Variants in ADD2 observed in about 807,000 individuals in gnomAD.
ADD2 encodes the protein adducin 2, also known as beta-adducin.
Under a neutral mutation model 83.0 loss-of-function variants are expected in ADD2, and 23 were observed. The ratio of observed to expected loss-of-function variants is 0.28; its 90% CI spans 0.20 to 0.39. The LOEUF (loss-of-function observed/expected upper bound fraction) is 0.39, where lower values mean the gene tolerates loss of function less well. ADD2 is among the 10% of genes least tolerant of loss of function. The pLI, the probability that ADD2 is intolerant of heterozygous loss-of-function variation, is 1.00. For missense variants in ADD2, 758 were observed against 944.9 expected, an observed-to-expected ratio of 0.80 and a Z score of 2.59; for synonymous variants, 375 against 375.4, an observed-to-expected ratio of 1.00 and a Z score of 0.01.
chr2:70,704,287 C>CCCA, intron 4 of ADD2, 34 bp downstream of exon 4: 1 of 1,588,506 alleles, frequency 6.3e-7, no homozygotes, highest in Non-Finnish European at 8.6e-7. Context: ...TCCCCTCCAC[C>CCCA]TCTGCTCCTG....
intron 3 of ADD2, among the ~76,000 whole-genome samples, chr2:70,705,784 T>C (rs1409126063): frequency 6.6e-6 from 1 of 152,148 alleles, no homozygotes; most frequent in Admixed American, 6.5e-5. Context: ...CCCCATCCCA[T>C]TCATGTCAAA....
chr2:70,702,476 T>C (rs1488744687), intron 4 of ADD2, among the ~76,000 whole-genome samples: 1 of 152,220 alleles, frequency 6.6e-6, no homozygotes, highest in Non-Finnish European at 1.5e-5. Context: ...CTAAAGTTAT[T>C]GTAAAGAATA....
intron 4 of ADD2, among the ~76,000 whole-genome samples, chr2:70,703,073 T>A (rs1671684268): frequency 6.6e-6 from 1 of 150,936 alleles, no homozygotes; most frequent in African/African-American, 2.4e-5. Context: ...TGGGCTGAGA[T>A]TGCACCACTA....
At chr2:70,669,522 C>G (rs1669813221) in intron 15 of ADD2, among the ~76,000 whole-genome samples, 2 of 152,238 alleles carry the variant, frequency 1.3e-5, no homozygotes, top group Non-Finnish European at 2.9e-5. Context: ...GACTCTGTGA[C>G]TCCCATCCAC....
intron 1 of ADD2, among the ~76,000 whole-genome samples, chr2:70,727,932 T>TAAATAAATAAAA (rs1553378596): frequency 4.4e-5 from 6 of 135,814 alleles, no homozygotes; most frequent in African/African-American, 1.6e-4. Flanking sequence ...AATAAATAAA[T>TAAATAAATAAAA]AAAATGCAGA....
intron 11 of ADD2, 128 bp from the exon 12 acceptor site, chr2:70,678,005 C>T: frequency 7.8e-7 from 1 of 1,281,040 alleles, no homozygotes; most frequent in African/African-American, 1.5e-5. Flanking sequence ...CATAGACACT[C>T]TCTCTTCTTA....
chr2:70,719,856 T>A (rs541721247), intron 1 of ADD2, among the ~76,000 whole-genome samples: 1 of 152,294 alleles, frequency 6.6e-6, no homozygotes, highest in African/African-American at 2.4e-5. Context: ...TTGATTCTGC[T>A]CTTTGGCCCA....
chr2:70,688,267 C>T, intron 8 of ADD2, 145 bp from the exon 9 acceptor site: 1 of 583,422 alleles, frequency 1.7e-6, no homozygotes, highest in Non-Finnish European at 3.0e-6. Context: ...TAATCAAATA[C>T]CCCAAAGCTA....
chr2:70,740,514 G>C (rs1463105871), intron 1 of ADD2, among the ~76,000 whole-genome samples: 1 of 152,182 alleles, frequency 6.6e-6, no homozygotes, highest in Admixed American at 6.5e-5. Context: ...ATGCAGAGCA[G>C]AGTAAAATGC....
chr2:70,663,442 CCTT>C lies in ADD2; in HGVS notation c.2161_2163del (p.Lys721del), dbSNP rs1250364090. 4 of 1,613,414 alleles carry C rather than the reference CCTT, an allele frequency of 2.5e-6. No homozygotes were observed. The highest frequency in any genetic ancestry group is 1.3e-5 in the African/African-American group (1 of 74,862). On this transcript the variant is annotated inframe_deletion, in exon 16 of 16. Coordinates refer to ENST00000264436, the MANE Select transcript of ADD2 (RefSeq NM_001617.4). ...GTCATGAATCAGGACTCCACTTTCTCCTTCTTTTTGCTCTTTTTCAGGAAGGAG... is the reference window on the plus strand; with the variant it reads ...GTCATGAATCAGGACTCCACTTTCTCCTTTTTGCTCTTTTTCAGGAAGGAG...
intron 2 of ADD2, among the ~76,000 whole-genome samples, chr2:70,712,460 TA>T (rs782194928): frequency 0.23 from 18,506 of 81,526 alleles, 2,889 homozygotes; most frequent in African/African-American, 0.48. Flanking sequence ...AATAAATAAA[TA>T]AAAAAAAAAA....
rs1313693772 is a variant in ADD2 at position 70,670,645 on chromosome 2, AG to A, written c.1870+2232del. Among the ~76,000 whole-genome samples the A allele has an allele frequency of 4.6e-5, 7 of 152,220 alleles. No homozygotes were observed. The East Asian group carries it at 1.3e-3, about 29-fold the overall frequency. ...GAGGCGACTCAGCATAAGAGAATTG[AG>A]GACATGGTGGCAAATGGTTGGAAAA... On this transcript the variant is annotated intron_variant, in intron 15 of 15. Coordinates refer to ENST00000264436, the MANE Select transcript of ADD2 (RefSeq NM_001617.4).
At chr2:70,750,062 C>A (rs782533828) in intron 1 of ADD2, among the ~76,000 whole-genome samples, 1 of 152,022 alleles carries the variant, frequency 6.6e-6, no homozygotes, top group Admixed American at 6.6e-5. Context: ...CCTTTCATAT[C>A]GTAGGTGCCT....
At chr2:70,761,229 T>TTA (rs1553384838) in intron 1 of ADD2, among the ~76,000 whole-genome samples, 60 of 147,208 alleles carry the variant, frequency 4.1e-4, no homozygotes, top group Admixed American at 1.4e-3. Context: ...ATGCATTACT[T>TTA]TTTTTTTTTT....
intron 4 of ADD2, 119 bp from the exon 5 acceptor site, chr2:70,696,515 G>C (rs782481326): frequency 2.2e-6 from 3 of 1,349,172 alleles, no homozygotes; most frequent in South Asian, 1.3e-5. Context: ...CCCAGGCAGG[G>C]AATTAAACAT....
chr2:70,706,393 C>G lies in ADD2; in HGVS notation c.16G>C (p.Val6Leu), dbSNP rs782293005. 1 of 1,608,140 alleles carries G rather than the reference C, an allele frequency of 6.2e-7. No individual in the cohort carries two copies. The highest frequency in any genetic ancestry group is 1.3e-5 in the African/African-American group (1 of 74,842). The change falls in exon 3 of 16, where the codon GTC becomes CTC. Residue 6 changes from valine (V) to leucine (L), a missense_variant. Val to Leu is a conservative substitution (Grantham distance 32). Coordinates refer to ENST00000264436, the MANE Select transcript of ADD2 (RefSeq NM_001617.4). The surrounding 1 kb of genome is among the most constrained non-coding windows in gnomAD (Gnocchi z 5.0). ...GGCGGCGGCGAGGCAGCCTCGGGGA[C>G]CGTCTCTTCGCTCATTTTCCCGGTG... MSEET[V>L]PEAASPPPPQ...
At chr2:70,702,376 G>A (rs1288445992) in intron 4 of ADD2, among the ~76,000 whole-genome samples, 2 of 151,842 alleles carry the variant, frequency 1.3e-5, no homozygotes, top group African/African-American at 2.4e-5. Context: ...CATGTTGGCC[G>A]GGCTGGTCTC....
At chr2:70,734,097 C>A (rs540012515) in intron 1 of ADD2, among the ~76,000 whole-genome samples, 1 of 152,304 alleles carries the variant, frequency 6.6e-6, no homozygotes, top group South Asian at 2.1e-4. Flanking sequence ...CTTTCTCTAG[C>A]AAAATTTCTA....
chr2:70,765,377 A>T (rs1675329966), intron 1 of ADD2, among the ~76,000 whole-genome samples: 1 of 152,176 alleles, frequency 6.6e-6, no homozygotes, highest in Non-Finnish European at 1.5e-5. Context: ...CATAAAAAAT[A>T]AAAAAGAATT....
Sources: allele counts gnomAD v4.1 joint callset (sites outside exome capture counted in the v4.1 genomes callset), GRCh38; gene constraint gnomAD v4.1.1; non-coding constraint Gnocchi (gnomAD v3.1); transcripts MANE v1.5; gene names NCBI Gene and HGNC (gene_info 2026-07-23, HGNC 2026-07-21).